NME7: variants seen among roughly 807,000 people sequenced by gnomAD.
NME7 encodes the protein NME/NM23 family member 7.
In NME7, 41 loss-of-function variants were observed where a neutral mutation model predicts 49.1. The ratio of observed to expected loss-of-function variants is 0.83; its 90% confidence interval spans 0.65 to 1.08. The LOEUF is 1.08. Ranked by LOEUF, NME7 falls within the 50% of genes least tolerant of loss-of-function variation. The pLI is 0.00. For missense variants in NME7, 423 were observed against 463.4 expected (o/e 0.91, Z 0.80); for synonymous variants, 139 against 150.6 (o/e 0.92, Z 0.56).
Position 169,260,756 on chromosome 1 carries a change from T to C in NME7, c.755-23069A>G, listed in dbSNP as rs1052030035. Among the ~76,000 whole-genome samples, 26 of 134,036 alleles carry C rather than the reference T, an allele frequency of 1.9e-4. 3 individuals carry two copies. Among genetic ancestry groups the C allele is most frequent in the African/African-American group, 6.6e-4 (26 of 39,666 alleles). The allele number at this position is 134,036 out of a possible 152,430, so 87.9% of individuals were successfully genotyped here. ...AAAGCAGAGGAGTGGGCACATTCTA[T>C]CTTTGCTACAAACTCTTTTTTAAGA... On this transcript the variant is annotated intron_variant, in intron 7 of 11. Transcript: ENST00000367811.
chr1:169,248,453 T>C (rs1424091498), intron 7 of NME7, among the ~76,000 whole-genome samples: 2 of 152,140 alleles, frequency 1.3e-5, no homozygotes, highest in Non-Finnish European at 2.9e-5. Flanking sequence ...TAGTTATTTC[T>C]TTTAATGTAC....
At chr1:169,139,733 A>AT (rs1234235723) in intron 11 of NME7, among the ~76,000 whole-genome samples, 1 of 152,240 alleles carries the variant, frequency 6.6e-6, no homozygotes, top group East Asian at 1.9e-4. Flanking sequence ...GTATCTCTGA[A>AT]TAACTCCATC....
rs552037090 is a variant in NME7, at chr1:169,310,206, A to G, written c.279-126T>C. ...CAAAATTTGAAATTAATTGTATAGA[A>G]AAGTGTATTAAAGACATCCCTTAAA... On this transcript the variant is annotated intron_variant, in intron 3 of 11. Transcript: ENST00000367811. 63 of 589,708 alleles carry G rather than the reference A, an allele frequency of 1.1e-4. 1 individual carries two copies. The South Asian group carries it at 1.4e-3, about 13-fold the overall frequency. The allele number at this position is 589,708 out of a possible 1,614,324, so 36.5% of individuals were successfully genotyped here. A position where few individuals can be genotyped will look rare whatever the true frequency, so the allele number is the denominator to read the frequency against.
At chr1:169,200,738 C>G (rs1660523624) in intron 10 of NME7, among the ~76,000 whole-genome samples, 2 of 152,152 alleles carry the variant, frequency 1.3e-5, no homozygotes. Flanking sequence ...CCCATTCCTT[C>G]CCAAGGAAAT....
intron 11 of NME7, among the ~76,000 whole-genome samples, chr1:169,166,580 T>C (rs927024084): frequency 2.0e-5 from 3 of 152,212 alleles, no homozygotes; most frequent in South Asian, 2.1e-4. Flanking sequence ...ATTACAGATA[T>C]GACATTTCCA....
At chr1:169,137,349 C>T (rs534459430) in intron 11 of NME7, among the ~76,000 whole-genome samples, 10 of 152,318 alleles carry the variant, frequency 6.6e-5, no homozygotes, top group South Asian at 2.1e-4. Context: ...AAGCCAAGGG[C>T]GTCTACTGTA....
intron 3 of NME7, among the ~76,000 whole-genome samples, chr1:169,312,710 T>C (rs1040257116): frequency 6.6e-6 from 1 of 152,190 alleles, no homozygotes; most frequent in Admixed American, 6.5e-5. Context: ...CTGAGAAAGA[T>C]GACTGATTGC....
intron 7 of NME7, among the ~76,000 whole-genome samples, chr1:169,250,682 C>A (rs567683270): frequency 9.1e-4 from 138 of 152,146 alleles, no homozygotes; most frequent in Non-Finnish European, 6.3e-4. Flanking sequence ...TCAATATTAT[C>A]ATTCCTTTCA....
At chr1:169,190,420 A>G (rs1274871862) in intron 10 of NME7, among the ~76,000 whole-genome samples, 1 of 151,472 alleles carries the variant, frequency 6.6e-6, no homozygotes, top group Non-Finnish European at 1.5e-5. Context: ...GGTCAGGTCA[A>G]AATGTTTATT....
intron 7 of NME7, among the ~76,000 whole-genome samples, chr1:169,271,173 G>T (rs560841309): frequency 7.5e-6 from 1 of 133,654 alleles, no homozygotes; most frequent in Non-Finnish European, 1.8e-5. Flanking sequence ...GAAATGAGAA[G>T]TGAAACCACT....
chr1:169,212,733 T>C (rs1660862263), intron 10 of NME7, among the ~76,000 whole-genome samples: 1 of 151,856 alleles, frequency 6.6e-6, no homozygotes, highest in African/African-American at 2.4e-5. Context: ...TCTTGAGTAC[T>C]GAGTAGCTAG....
chr1:169,265,501 T>C lies in NME7; in HGVS notation c.754+21802A>G, dbSNP rs568673703. Among the ~76,000 whole-genome samples the C allele has an allele frequency of 2.2e-5, 3 of 133,356 alleles. 1 individual carries two copies. Among genetic ancestry groups the C allele is most frequent in the East Asian group, 2.0e-4 (1 of 5,024 alleles). 87.5% of individuals were successfully genotyped at this position (133,356 alleles called of 152,430 possible). On this transcript the variant is annotated intron_variant, in intron 7 of 11. Coordinates refer to ENST00000367811, the MANE Select transcript of NME7 (RefSeq NM_013330.5). The stretch of plus-strand genomic sequence containing the variant: ...TAAGGCAGTGTTAAGAGGGAAATTA[T>C]AGCACTAAACACCCACATCAAAAAG...
In NME7 at chr1:169,318,746, T is replaced by C. The variant is rs754378386; in HGVS notation, c.278+4371A>G. On this transcript the variant is annotated intron_variant, in intron 3 of 11. Transcript: ENST00000367811. ...CACATTGTTGAAGTCATGGAGTACATAGAATCCCCTGGGAGAGTATATAGA... is the reference window on the plus strand; with the variant it reads ...CACATTGTTGAAGTCATGGAGTACACAGAATCCCCTGGGAGAGTATATAGA... Among the ~76,000 whole-genome samples the C allele has an allele frequency of 5.9e-5, 9 of 151,710 alleles. No individual in the cohort carries two copies. In the South Asian group the frequency reaches 1.2e-3, roughly 21 times the overall value.
chr1:169,156,848 G>A (rs1302040576), intron 11 of NME7, among the ~76,000 whole-genome samples: 1 of 152,160 alleles, frequency 6.6e-6, no homozygotes, highest in Non-Finnish European at 1.5e-5. Context: ...TACTAACTGG[G>A]CCATAAAGAA....
At chr1:169,177,380 C>T (rs896176451) in intron 10 of NME7, among the ~76,000 whole-genome samples, 3 of 152,224 alleles carry the variant, frequency 2.0e-5, no homozygotes, top group Admixed American at 6.5e-5. Context: ...GATACCTCTA[C>T]TCCTAGTAAA....
At chr1:169,278,935 T>G (rs1414088085) in intron 7 of NME7, among the ~76,000 whole-genome samples, 1 of 152,170 alleles carries the variant, frequency 6.6e-6, no homozygotes, top group East Asian at 1.9e-4. Flanking sequence ...CTGTTGGAGT[T>G]TGCTAGAGGT....
chr1:169,277,006 G>A (rs1247915607), intron 7 of NME7, among the ~76,000 whole-genome samples: 1 of 150,460 alleles, frequency 6.6e-6, no homozygotes, highest in Admixed American at 6.6e-5. Flanking sequence ...TTTTGAGTGA[G>A]TTTCTTAATC....
At chr1:169,169,411 G>A (rs745971854) in intron 11 of NME7, 36 bp downstream of exon 11, 7 of 1,546,626 alleles carry the variant, frequency 4.5e-6, no homozygotes, top group African/African-American at 2.7e-5. Context: ...TTATGAGCTT[G>A]AAATATAAAT....
intron 10 of NME7, among the ~76,000 whole-genome samples, chr1:169,216,433 A>G (rs1660976172): frequency 1.3e-5 from 2 of 152,238 alleles, no homozygotes; most frequent in East Asian, 1.9e-4. Flanking sequence ...TGAGCAAATG[A>G]AAGTCCCTAA....
Sources: gnomAD v4.1 joint callset for allele counts (sites outside exome capture counted in the v4.1 genomes callset) on GRCh38, gnomAD v4.1.1 for gene constraint, MANE v1.5 for transcripts, NCBI Gene and HGNC (gene_info 2026-07-23, HGNC 2026-07-21) for gene names.